The following CFAP141 variants were observed in gnomAD, a reference collection of about 807,000 sequenced individuals.
CFAP141 encodes cilia and flagella associated protein 141.
the CFAP141 span, chr1:154,200,676 T>C: frequency 7.2e-7 from 1 of 1,383,322 alleles, no homozygotes; most frequent in Non-Finnish European, 9.9e-7. Flanking sequence ...CTGTTTCTTT[T>C]TTCTTTTTCT....
At chr1:154,203,450 G>C in the CFAP141 span, among the ~76,000 whole-genome samples, 3 of 150,834 alleles carry the variant, frequency 2.0e-5, no homozygotes, top group East Asian at 4.0e-4. Context: ...ATTTTTTTGA[G>C]ACAGGGTCTC....
At chr1:154,200,601 C>T in the CFAP141 span, 9 of 1,613,610 alleles carry the variant, frequency 5.6e-6, no homozygotes, top group Admixed American at 1.0e-4. Flanking sequence ...GCTCCAGGTA[C>T]AGAGGTGGGG....
the CFAP141 span, among the ~76,000 whole-genome samples, chr1:154,204,607 T>G: frequency 1.3e-5 from 2 of 151,706 alleles, no homozygotes; most frequent in Admixed American, 1.3e-4. Flanking sequence ...GAGACAGGGT[T>G]TTCCTCTCTC....
the CFAP141 span, chr1:154,205,688 ATT>A: frequency 6.5e-7 from 1 of 1,538,526 alleles, no homozygotes; most frequent in South Asian, 1.1e-5. Flanking sequence ...CAGAACCTCT[ATT>A]CTAATGAGAG....
the CFAP141 span, among the ~76,000 whole-genome samples, chr1:154,202,635 C>T: frequency 6.6e-6 from 1 of 150,798 alleles, no homozygotes; most frequent in South Asian, 2.1e-4. Context: ...CCCGTCTCTA[C>T]TAAAAATATA....
the CFAP141 span, among the ~76,000 whole-genome samples, chr1:154,204,374 T>C: frequency 6.6e-6 from 1 of 152,174 alleles, no homozygotes; most frequent in South Asian, 2.1e-4. Flanking sequence ...GCTTCTCCTA[T>C]CCCATTTCAG....
chr1:154,200,833 G>A, the CFAP141 span, among the ~76,000 whole-genome samples: 1 of 151,620 alleles, frequency 6.6e-6, no homozygotes, highest in Non-Finnish European at 1.5e-5. Flanking sequence ...CAGGTGCCTG[G>A]CACCATGCCC....
chr1:154,199,909 C>T, the CFAP141 span, among the ~76,000 whole-genome samples: 9 of 152,200 alleles, frequency 5.9e-5, no homozygotes, highest in East Asian at 1.9e-4. Context: ...CCAAGTCTTA[C>T]GTTGTAGCCC....
chr1:154,199,208 C>T, the CFAP141 span, among the ~76,000 whole-genome samples: 1 of 152,038 alleles, frequency 6.6e-6, no homozygotes, highest in Admixed American at 6.6e-5. Context: ...GACCACAAGG[C>T]GTCACTCTTG....
the CFAP141 span, among the ~76,000 whole-genome samples, chr1:154,199,969 G>A: frequency 5.9e-5 from 9 of 152,086 alleles, no homozygotes; most frequent in Admixed American, 6.6e-5. Context: ...CTCTGCCCTC[G>A]TTTCAAGTGA....
chr1:154,201,256 G>A, the CFAP141 span, among the ~76,000 whole-genome samples: 1 of 151,074 alleles, frequency 6.6e-6, no homozygotes, highest in African/African-American at 2.4e-5. Context: ...TCAGCCTCTT[G>A]AGTAGCTGGG....
chr1:154,205,702 C>G, the CFAP141 span: 1 of 1,424,538 alleles, frequency 7.0e-7, no homozygotes. Flanking sequence ...TAATGAGAGA[C>G]ATAGACCTTT....
chr1:154,199,985 G>T, the CFAP141 span, among the ~76,000 whole-genome samples: 1 of 152,006 alleles, frequency 6.6e-6, no homozygotes, highest in Non-Finnish European at 1.5e-5. Flanking sequence ...AGTGATTCTC[G>T]TGCCTCGGCC....
chr1:154,200,355 C>G, the CFAP141 span: 2 of 1,263,102 alleles, frequency 1.6e-6, 1 homozygote, highest in South Asian at 2.9e-5. Context: ...TAGAGGCAAA[C>G]AAGATAAATG....
chr1:154,205,978 C>T, the CFAP141 span, among the ~76,000 whole-genome samples: 1 of 152,158 alleles, frequency 6.6e-6, no homozygotes, highest in Non-Finnish European at 1.5e-5. Flanking sequence ...GATAGGATTA[C>T]AGGCGTGAGT....
chr1:154,203,404 C>T, the CFAP141 span, among the ~76,000 whole-genome samples: 1 of 149,304 alleles, frequency 6.7e-6, no homozygotes, highest in Non-Finnish European at 1.5e-5. Flanking sequence ...GGATTATAGG[C>T]GTGTGCCACC....
At chr1:154,206,202 G>A in the CFAP141 span, 1 of 1,390,080 alleles carries the variant, frequency 7.2e-7, no homozygotes, top group South Asian at 1.2e-5. Context: ...CCCAGTAAAA[G>A]ATGCACTTAT....
chr1:154,199,827 A>G, the CFAP141 span, among the ~76,000 whole-genome samples: 5 of 152,176 alleles, frequency 3.3e-5, no homozygotes, highest in South Asian at 2.1e-4. Context: ...GGACCCCGGG[A>G]GAGAGAGAGG....
the CFAP141 span, among the ~76,000 whole-genome samples, chr1:154,203,797 G>A: frequency 4.6e-5 from 7 of 152,138 alleles, no homozygotes; most frequent in East Asian, 1.9e-4. Flanking sequence ...TAATCAGGCC[G>A]GGCGTGGTGG....
Sources: gnomAD v4.1 joint callset for allele counts (sites outside exome capture counted in the v4.1 genomes callset) on GRCh38, gnomAD v4.1.1 for gene constraint, MANE v1.5 for transcripts, NCBI Gene and HGNC (gene_info 2026-07-23, HGNC 2026-07-21) for gene names.